TANC2: variants seen among roughly 807,000 people sequenced by gnomAD.
TANC2 encodes the protein tetratricopeptide repeat, ankyrin repeat and coiled-coil containing 2.
In TANC2, 26 loss-of-function variants were observed where a neutral mutation model predicts 210.5. That is an observed-to-expected ratio of 0.12 (90% CI 0.09 to 0.17). The LOEUF is 0.17. Among genes scored for constraint, TANC2 ranks in the 10% least tolerant of loss-of-function variants. TANC2 has a pLI of 1.00. For missense variants in TANC2, 2,129 were observed against 2,608.9 expected, an observed-to-expected ratio of 0.82 and a Z score of 4.01; for synonymous variants, 931 against 967.1, an observed-to-expected ratio of 0.96 and a Z score of 0.69.
chr17:63,323,419 A>C (rs2045556156), intron 11 of TANC2, among the ~76,000 whole-genome samples: 1 of 152,226 alleles, frequency 6.6e-6, no homozygotes, highest in Admixed American at 6.5e-5. Context: ...ATAGGTTGGC[A>C]TCTCTCGAGC....
At chr17:63,346,929 C>G (rs954090192) in intron 12 of TANC2, among the ~76,000 whole-genome samples, 2 of 151,676 alleles carry the variant, frequency 1.3e-5, no homozygotes, top group African/African-American at 2.4e-5. Context: ...TGGTCTCATA[C>G]TCCTGGGCCC....
intron 8 of TANC2, among the ~76,000 whole-genome samples, chr17:63,262,215 G>A (rs1190333140): frequency 6.6e-6 from 1 of 152,118 alleles, no homozygotes; most frequent in Admixed American, 6.6e-5. Flanking sequence ...AGAGACAAGA[G>A]TCTCACTCTG....
intron 11 of TANC2, among the ~76,000 whole-genome samples, chr17:63,328,421 G>A (rs1343901978): frequency 6.6e-6 from 1 of 151,784 alleles, no homozygotes; most frequent in Non-Finnish European, 1.5e-5. Context: ...CATTGTGTGT[G>A]TGTGTTTGTA....
chr17:62,996,423 G>A (rs999874022), intron 1 of TANC2, among the ~76,000 whole-genome samples: 1 of 152,072 alleles, frequency 6.6e-6, no homozygotes, highest in African/African-American at 2.4e-5. Flanking sequence ...TAAGGCAAAT[G>A]CCAACCTGTA....
chr17:63,073,254 G>A (rs1220397133), intron 2 of TANC2, among the ~76,000 whole-genome samples: 1 of 151,848 alleles, frequency 6.6e-6, no homozygotes, highest in Non-Finnish European at 1.5e-5. Context: ...ATGAATTTAT[G>A]ATGCATAATT....
At chr17:63,248,252 C>T (rs2042968356) in intron 8 of TANC2, among the ~76,000 whole-genome samples, 1 of 151,740 alleles carries the variant, frequency 6.6e-6, no homozygotes, top group Non-Finnish European at 1.5e-5. Flanking sequence ...GGGGAGACTC[C>T]GATGCTAAAT....
At chr17:63,388,600 G>T in intron 15 of TANC2, 35 bp from the exon 16 acceptor site, 2 of 1,568,614 alleles carry the variant, frequency 1.3e-6, no homozygotes, top group South Asian at 2.4e-5. Context: ...TTTTTTGCTG[G>T]GCTACTAATT....
intron 19 of TANC2, among the ~76,000 whole-genome samples, chr17:63,402,666 G>A (rs2048378449): frequency 1.3e-5 from 2 of 152,198 alleles, no homozygotes; most frequent in Admixed American, 6.5e-5. Flanking sequence ...CAACTCCTTA[G>A]ATGTTTCCCG....
At chr17:63,283,745 A>G (rs1009636810) in intron 9 of TANC2, among the ~76,000 whole-genome samples, 5 of 151,932 alleles carry the variant, frequency 3.3e-5, no homozygotes, top group Admixed American at 2.6e-4. Flanking sequence ...TTCTTATGCT[A>G]TTGTAAATGA....
chr17:63,221,478 G>C (rs2042190861), intron 7 of TANC2, among the ~76,000 whole-genome samples: 1 of 150,384 alleles, frequency 6.6e-6, no homozygotes, highest in African/African-American at 2.4e-5. Context: ...AATGAAAAGG[G>C]AAATTATAGA....
intron 1 of TANC2, among the ~76,000 whole-genome samples, chr17:62,971,261 G>T (rs1687530260): frequency 6.6e-6 from 1 of 152,122 alleles, no homozygotes; most frequent in South Asian, 2.1e-4. Context: ...AGAGAAATAG[G>T]TTAAAGAAGA....
chr17:63,089,971 A>G (rs1254941118), intron 3 of TANC2, among the ~76,000 whole-genome samples: 1 of 152,160 alleles, frequency 6.6e-6, no homozygotes, highest in Non-Finnish European at 1.5e-5. Context: ...AAAATTTGCC[A>G]TTTTAAGTGT....
chr17:63,325,078 G>T (rs118132764), intron 11 of TANC2, among the ~76,000 whole-genome samples: 1 of 133,002 alleles, frequency 7.5e-6, no homozygotes, highest in Non-Finnish European at 1.6e-5. Context: ...GGGGCGGGGG[G>T]CGGGCAGGGG....
At chr17:63,190,372 T>C (rs1046351931) in intron 5 of TANC2, among the ~76,000 whole-genome samples, 2 of 152,078 alleles carry the variant, frequency 1.3e-5, no homozygotes, top group African/African-American at 2.4e-5. Flanking sequence ...TTGACCATAA[T>C]GTAAGAGTAT....
At chr17:63,167,610 C>T (rs2040253437) in intron 5 of TANC2, among the ~76,000 whole-genome samples, 1 of 151,722 alleles carries the variant, frequency 6.6e-6, no homozygotes, top group Admixed American at 6.6e-5. Context: ...AAAATTTTGC[C>T]CACTGTCTGG....
At chr17:62,984,532 C>A (rs182821774) in intron 1 of TANC2, among the ~76,000 whole-genome samples, 2 of 151,742 alleles carry the variant, frequency 1.3e-5, no homozygotes, top group Non-Finnish European at 2.9e-5. Context: ...TTTCTAGTTC[C>A]TTTGAGATGC....
At chr17:63,165,980 T>C (rs2040197746) in intron 5 of TANC2, among the ~76,000 whole-genome samples, 1 of 152,202 alleles carries the variant, frequency 6.6e-6, no homozygotes, top group Admixed American at 6.5e-5. Flanking sequence ...CTTGAGCTGG[T>C]CAAATATTGT....
At chr17:63,091,494 C>T (rs1404404217) in intron 3 of TANC2, among the ~76,000 whole-genome samples, 1 of 152,118 alleles carries the variant, frequency 6.6e-6, no homozygotes, top group African/African-American at 2.4e-5. Flanking sequence ...TTGTTTTTCT[C>T]AGGTTTGTCA....
At chr17:63,103,987 C>T (rs1209762560) in intron 4 of TANC2, among the ~76,000 whole-genome samples, 1 of 151,750 alleles carries the variant, frequency 6.6e-6, no homozygotes, top group Non-Finnish European at 1.5e-5. Context: ...GGATTAATCC[C>T]CAGTCCCTCC....
Sources: allele counts gnomAD v4.1 joint callset (sites outside exome capture counted in the v4.1 genomes callset), GRCh38; gene constraint gnomAD v4.1.1; transcripts MANE v1.5; gene names NCBI Gene and HGNC (gene_info 2026-07-23, HGNC 2026-07-21).